Variants in TRAPPC9 observed in about 807,000 individuals in gnomAD.
TRAPPC9 encodes IKK2 binding protein.
Under a neutral mutation model 124.0 loss-of-function variants are expected in TRAPPC9, and 83 were observed. That is an observed-to-expected ratio of 0.67 (90% CI 0.56 to 0.80). The LOEUF (loss-of-function observed/expected upper bound fraction) is 0.80, where lower values mean the gene tolerates loss of function less well. TRAPPC9 is among the 30% of genes least tolerant of loss of function. TRAPPC9 has a pLI of 0.00. For missense variants in TRAPPC9, 1,302 were observed against 1,508.3 expected (o/e 0.86, Z 2.27); for synonymous variants, 638 against 617.5 (o/e 1.03, Z -0.49).
chr8:140,138,806 T>C (rs1373075165), intron 17 of TRAPPC9, among the ~76,000 whole-genome samples: 1 of 152,018 alleles, frequency 6.6e-6, no homozygotes, highest in African/African-American at 2.4e-5. Flanking sequence ...TTTTTTCTCT[T>C]AAAAAGATAA....
At chr8:139,958,880 A>G (rs1372374523) in intron 19 of TRAPPC9, among the ~76,000 whole-genome samples, 1 of 150,494 alleles carries the variant, frequency 6.6e-6, no homozygotes, top group African/African-American at 2.5e-5. Context: ...CCTGACACAG[A>G]GCACTGCATT....
At chr8:140,058,099 A>G (rs1203644557) in intron 17 of TRAPPC9, among the ~76,000 whole-genome samples, 3 of 152,232 alleles carry the variant, frequency 2.0e-5, no homozygotes, top group African/African-American at 7.2e-5. Flanking sequence ...CTTCTGGGAC[A>G]CTGTCCTGTT....
chr8:139,885,739 T>C, intron 21 of TRAPPC9, 140 bp downstream of exon 21: 4 of 804,992 alleles, frequency 5.0e-6, no homozygotes, highest in Admixed American at 4.3e-5. Flanking sequence ...CCCGTCTTTT[T>C]CCCCCAAGGT....
Position 140,038,680 on chromosome 8 carries a change from C to T in TRAPPC9, c.2557-14601G>A, listed in dbSNP as rs115593482. On this transcript the variant is annotated intron_variant, in intron 17 of 22. Coordinates refer to ENST00000438773, the MANE Select transcript of TRAPPC9 (RefSeq NM_001160372.4). ...CAACACCCAGTGTCAGGCATGACGG[C>T]GGCCAGGGTAAGGTCAAAGCAAAAA... Among the ~76,000 whole-genome samples the T allele has an allele frequency of 2.0e-3, 302 of 152,278 alleles. 2 individuals carry two copies. Among genetic ancestry groups the T allele is most frequent in the African/African-American group, 6.7e-3 (277 of 41,556 alleles).
At chr8:140,055,804 G>T (rs1044704820) in intron 17 of TRAPPC9, among the ~76,000 whole-genome samples, 1 of 152,046 alleles carries the variant, frequency 6.6e-6, no homozygotes, top group Non-Finnish European at 1.5e-5. Flanking sequence ...CCAAGGAGGT[G>T]AAAGACTTGT....
chr8:140,354,632 G>C (rs1374304262), intron 9 of TRAPPC9, among the ~76,000 whole-genome samples: 1 of 152,026 alleles, frequency 6.6e-6, no homozygotes. Flanking sequence ...TCAACCCTGG[G>C]GTCACGTTTT....
chr8:140,038,528 A>C (rs1224211257), intron 17 of TRAPPC9, among the ~76,000 whole-genome samples: 1 of 152,228 alleles, frequency 6.6e-6, no homozygotes, highest in Non-Finnish European at 1.5e-5. Context: ...CATTGACACA[A>C]GGTGTGTGTG....
At chr8:140,261,213 G>A (rs2064399746) in intron 15 of TRAPPC9, among the ~76,000 whole-genome samples, 2 of 152,224 alleles carry the variant, frequency 1.3e-5, no homozygotes, top group South Asian at 4.1e-4. Context: ...ACTGTGATGA[G>A]ACTTGGTTTT....
At chr8:140,048,839 T>A (rs1317397095) in intron 17 of TRAPPC9, among the ~76,000 whole-genome samples, 2 of 152,050 alleles carry the variant, frequency 1.3e-5, no homozygotes, top group Non-Finnish European at 2.9e-5. Flanking sequence ...CTGTCACCCA[T>A]CCCCTGCTCC....
chr8:140,271,476 T>G (rs2064878609), intron 15 of TRAPPC9, among the ~76,000 whole-genome samples: 1 of 151,596 alleles, frequency 6.6e-6, no homozygotes, highest in Non-Finnish European at 1.5e-5. Flanking sequence ...AACAAAGAGC[T>G]CACACCAAGG....
intron 17 of TRAPPC9, among the ~76,000 whole-genome samples, chr8:140,139,887 C>A (rs562536240): frequency 6.6e-6 from 1 of 152,132 alleles, no homozygotes; most frequent in East Asian, 1.9e-4. Context: ...GTCAGTATTT[C>A]GTTATGCTGT....
At chr8:140,212,427 T>C (rs772206270) in intron 17 of TRAPPC9, among the ~76,000 whole-genome samples, 2 of 152,214 alleles carry the variant, frequency 1.3e-5, no homozygotes, top group Non-Finnish European at 1.5e-5. Flanking sequence ...TAACCTTGCA[T>C]TCCCCAGATA....
intron 17 of TRAPPC9, among the ~76,000 whole-genome samples, chr8:140,198,752 G>A (rs1250955930): frequency 2.6e-5 from 4 of 152,164 alleles, no homozygotes; most frequent in East Asian, 1.9e-4. Context: ...GGTTACAATC[G>A]TATGGTGTCA....
At chr8:139,956,484 T>C (rs1362828341) in intron 19 of TRAPPC9, among the ~76,000 whole-genome samples, 2 of 152,196 alleles carry the variant, frequency 1.3e-5, no homozygotes, top group African/African-American at 4.8e-5. Flanking sequence ...TTCTGAGGCA[T>C]GTGTCTCCAT....
chr8:140,272,130 C>CAATGGTGATGGTGGCGATGGT (rs1450234909), intron 15 of TRAPPC9, among the ~76,000 whole-genome samples: 4 of 100,382 alleles, frequency 4.0e-5, no homozygotes, highest in Non-Finnish European at 8.9e-5. Flanking sequence ...GTGATGGTGG[C>CAATGGTGATGGTGGCGATGGT]GATGGTGATG....
intron 19 of TRAPPC9, among the ~76,000 whole-genome samples, chr8:139,948,257 AC>A (rs1834397871): frequency 3.4e-5 from 1 of 29,202 alleles, no homozygotes; most frequent in African/African-American, 5.6e-5. Flanking sequence ...AAACACACAC[AC>A]ACACACACAC....
At chr8:140,036,201 G>A (rs1339401196) in intron 17 of TRAPPC9, among the ~76,000 whole-genome samples, 2 of 149,400 alleles carry the variant, frequency 1.3e-5, no homozygotes, top group African/African-American at 2.4e-5. Flanking sequence ...TTTAGCTAAA[G>A]GCATGACCTG....
intron 7 of TRAPPC9, among the ~76,000 whole-genome samples, chr8:140,372,207 T>G (rs2068302179): frequency 6.6e-6 from 1 of 152,208 alleles, no homozygotes; most frequent in Non-Finnish European, 1.5e-5. Flanking sequence ...CACAGCGCCT[T>G]CAGAGAAGAA....
At chr8:139,952,265 A>G (rs964655299) in intron 19 of TRAPPC9, among the ~76,000 whole-genome samples, 1 of 152,224 alleles carries the variant, frequency 6.6e-6, no homozygotes, top group Admixed American at 6.5e-5. Context: ...ATCCCATTTA[A>G]TCTTCACAAT....
Sources: allele counts gnomAD v4.1 joint callset (sites outside exome capture counted in the v4.1 genomes callset), GRCh38; gene constraint gnomAD v4.1.1; transcripts MANE v1.5; gene names NCBI Gene and HGNC (gene_info 2026-07-23, HGNC 2026-07-21).